Variants in NID1 observed in about 807,000 individuals in gnomAD.
NID1 encodes the protein nidogen 1.
Under a neutral mutation model 130.6 loss-of-function variants are expected in NID1, and 76 were observed. That is an observed-to-expected ratio of 0.58 (90% confidence interval 0.48 to 0.70). The LOEUF is 0.70. Ranked by LOEUF, NID1 falls within the 30% of genes least tolerant of loss-of-function variation. The pLI is 0.00. For synonymous variants in NID1, 665 were observed against 675.1 expected, an observed-to-expected ratio of 0.98 and a Z score of 0.23; for missense variants, 1,517 against 1,664.8, an observed-to-expected ratio of 0.91 and a Z score of 1.54.
chr1:235,977,561 T>G lies in NID1; in HGVS notation c.*306A>C. On this transcript the variant is annotated 3_prime_UTR_variant, in exon 20 of 20. Coordinates refer to ENST00000264187, the MANE Select transcript of NID1 (RefSeq NM_002508.3). ...TCTGTTCACCACTGGGGGGCTAGTATTGGGAAAAGGTCCTAGGACACTGGG... is the reference window on the plus strand; with the variant it reads ...TCTGTTCACCACTGGGGGGCTAGTAGTGGGAAAAGGTCCTAGGACACTGGG... The G allele has an allele frequency of 3.9e-6, 1 of 258,326 alleles. No individual in the cohort carries two copies. The highest frequency in any genetic ancestry group is 7.5e-6 in the Non-Finnish European group (1 of 132,664). 16.0% of individuals were successfully genotyped at this position (258,326 alleles called of 1,614,324 possible).
At chr1:236,043,309 G>A (rs888280942) in intron 3 of NID1, among the ~76,000 whole-genome samples, 4 of 152,122 alleles carry the variant, frequency 2.6e-5, no homozygotes, top group Non-Finnish European at 5.9e-5. Flanking sequence ...CTTGGGACTG[G>A]CATCTGAAGT....
chr1:235,993,194 G>T (rs1201532972), intron 13 of NID1, among the ~76,000 whole-genome samples: 2 of 152,222 alleles, frequency 1.3e-5, no homozygotes, highest in Non-Finnish European at 2.9e-5. Context: ...GTCTGAACAG[G>T]CCCTACTGCC....
chr1:236,018,884 C>T (rs1366065465), intron 9 of NID1, among the ~76,000 whole-genome samples: 2 of 152,216 alleles, frequency 1.3e-5, no homozygotes, highest in African/African-American at 4.8e-5. Context: ...TCAAAGCCTC[C>T]TATGTCCACC....
At chr1:236,016,642 T>A (rs949097984) in intron 10 of NID1, among the ~76,000 whole-genome samples, 5 of 152,126 alleles carry the variant, frequency 3.3e-5, no homozygotes, top group African/African-American at 1.2e-4. Flanking sequence ...GCAACTTACT[T>A]CTATAAGGCT....
At chr1:236,000,279 T>C (rs137916888) in intron 12 of NID1, among the ~76,000 whole-genome samples, 4,054 of 152,270 alleles carry the variant, frequency 0.027, 69 homozygotes, top group African/African-American at 0.04. Context: ...TTAAGTCTGA[T>C]AAGAAACATC....
chr1:235,997,516 A>C (rs990564865), intron 12 of NID1, among the ~76,000 whole-genome samples: 5 of 152,036 alleles, frequency 3.3e-5, no homozygotes, highest in African/African-American at 1.2e-4. Context: ...AATAATAAAA[A>C]ATATACTGTA....
At chr1:235,990,739 A>T in intron 14 of NID1, 147 bp downstream of exon 14, 1 of 807,728 alleles carries the variant, frequency 1.2e-6, no homozygotes. Flanking sequence ...CAGTGGCCCC[A>T]TCTAGAGATG....
At position 235,979,270 on chromosome 1, in the gene NID1, C is replaced by A. The variant is rs3738524; in HGVS notation, c.3510-163G>T. Among the ~76,000 whole-genome samples, 4 of 151,906 alleles carry A rather than the reference C, an allele frequency of 2.6e-5. No individual in the cohort carries two copies. The highest frequency in any genetic ancestry group is 1.3e-4 in the Admixed American group (2 of 15,264). The stretch of plus-strand genomic sequence containing the variant: ...CTTCCTTCCCCTGGGGTGGGTCAAG[C>A]CTGCATTTCTCTGGCTTTTTACAAA... On this transcript the variant is annotated intron_variant, in intron 18 of 19. Transcript: ENST00000264187. The surrounding 1 kb of genome is among the most constrained non-coding windows in gnomAD (Gnocchi z 4.6).
rs759645901 is a variant in NID1 at position 236,032,391 on chromosome 1, T to C, written c.1537+10A>G. On this transcript the variant is annotated intron_variant, in intron 6 of 19. Transcript: ENST00000264187. ...GTGACCCACTAATTTTAATGTCGGA[T>C]ATAAATTACCGGTGATGCTGAACCC... 1 of 1,612,760 alleles carries C rather than the reference T, an allele frequency of 6.2e-7. No individual in the cohort carries two copies. Among genetic ancestry groups the C allele is most frequent in the Admixed American group, 1.7e-5 (1 of 59,990 alleles).
At chr1:236,011,265 GTT>G (rs1449652731) in intron 12 of NID1, among the ~76,000 whole-genome samples, 1 of 150,452 alleles carries the variant, frequency 6.6e-6, no homozygotes, top group Non-Finnish European at 1.5e-5. Context: ...AACACAACTG[GTT>G]AACTCCAGTC....
At chr1:236,009,006 G>T (rs921713469) in intron 12 of NID1, among the ~76,000 whole-genome samples, 2 of 152,204 alleles carry the variant, frequency 1.3e-5, no homozygotes, top group African/African-American at 2.4e-5. Context: ...AGAATAATAT[G>T]ATGAAAATAT....
chr1:236,063,483 TA>T (rs1558454457), intron 1 of NID1, among the ~76,000 whole-genome samples: 1 of 135,074 alleles, frequency 7.4e-6, no homozygotes, highest in Non-Finnish European at 1.5e-5. Flanking sequence ...AAAAAAAAAA[TA>T]AATAAATAAA....
At chr1:236,056,500 ATCT>A (rs1322715914) in intron 1 of NID1, among the ~76,000 whole-genome samples, 1 of 152,202 alleles carries the variant, frequency 6.6e-6, no homozygotes, top group Non-Finnish European at 1.5e-5. Flanking sequence ...AACATTTCAA[ATCT>A]TCTTTTCTAA....
rs943048263 is a variant in NID1, at chr1:235,977,549, G to C, written c.*318C>G. 1 of 243,546 alleles carries C rather than the reference G, an allele frequency of 4.1e-6. No individual in the cohort carries two copies. Among genetic ancestry groups the C allele is most frequent in the East Asian group, 9.7e-5 (1 of 10,344 alleles). 15.1% of individuals were successfully genotyped at this position (243,546 alleles called of 1,614,324 possible). A position where few individuals can be genotyped will look rare whatever the true frequency, so the allele number is the denominator to read the frequency against. ...AATTTGGGAGGTTCTGTTCACCACT[G>C]GGGGGCTAGTATTGGGAAAAGGTCC... On this transcript the variant is annotated 3_prime_UTR_variant, in exon 20 of 20. Coordinates refer to ENST00000264187, the MANE Select transcript of NID1 (RefSeq NM_002508.3).
chr1:235,996,827 C>T (rs1434292913), intron 12 of NID1, among the ~76,000 whole-genome samples: 2 of 151,944 alleles, frequency 1.3e-5, no homozygotes, highest in Non-Finnish European at 2.9e-5. Flanking sequence ...ATCTTCCTGT[C>T]TCAGACTCCT....
At chr1:235,998,487 C>T (rs1657990364) in intron 12 of NID1, among the ~76,000 whole-genome samples, 1 of 151,998 alleles carries the variant, frequency 6.6e-6, no homozygotes. Flanking sequence ...CCAGCCTGGC[C>T]AACATGGAGA....
intron 1 of NID1, among the ~76,000 whole-genome samples, chr1:236,052,341 GACACAGGC>G (rs58412861): frequency 0.041 from 6,306 of 152,228 alleles, 416 homozygotes; most frequent in African/African-American, 0.14. Context: ...AAAGGGAAAG[GACACAGGC>G]ACTCAGGCAG....
intron 2 of NID1, 120 bp from the exon 3 acceptor site, chr1:236,045,803 T>C: frequency 1.3e-6 from 1 of 756,842 alleles, no homozygotes. Context: ...TATTCTCACC[T>C]TATTCTAAAA....
chr1:235,993,663 G>A lies in NID1; in HGVS notation c.2737C>T (p.Pro913Ser), dbSNP rs1657830094. ...CACTTACACGGGGGCGTCATCCCGG[G>A]CCTGGTCCTGGTGCCCTCCACCTCG... ...GREVEGTRTR[P>S]GMTPPCLSTV... Residue 913 changes from proline (P) to serine (S), a missense_variant, in exon 13 of 20, where the codon CCC becomes TCC. Pro to Ser is a moderately conservative substitution (Grantham distance 74). Transcript: ENST00000264187. 6.4e-7 allele frequency: 1 copy of A among 1,563,394 alleles called. No homozygotes were observed. Among genetic ancestry groups the A allele is most frequent in the Non-Finnish European group, 8.7e-7 (1 of 1,149,078 alleles).
Sources: gnomAD v4.1 joint callset for allele counts (sites outside exome capture counted in the v4.1 genomes callset) on GRCh38, gnomAD v4.1.1 for gene constraint, Gnocchi (gnomAD v3.1) non-coding constraint, MANE v1.5 for transcripts, NCBI Gene and HGNC (gene_info 2026-07-23, HGNC 2026-07-21) for gene names.